Variants in AFDN observed in about 807,000 individuals in gnomAD.
The protein encoded by AFDN is afadin, adherens junction formation factor.
Under a neutral mutation model 216.6 loss-of-function variants are expected in AFDN, and 68 were observed. The observed-to-expected ratio is 0.31, with a 90% CI of 0.26 to 0.38. The LOEUF (loss-of-function observed/expected upper bound fraction) is 0.38, where lower values mean the gene tolerates loss of function less well. Ranked by LOEUF, AFDN falls within the 10% of genes least tolerant of loss-of-function variation. The pLI, the probability that AFDN is intolerant of heterozygous loss-of-function variation, is 1.00. For synonymous variants in AFDN, 868 were observed against 853.7 expected (o/e 1.02, Z -0.29); for missense variants, 2,136 against 2,342.0 (o/e 0.91, Z 1.82).
At chr6:167,826,782 A>G, upstream of AFDN, 2 of 339,706 alleles carry the variant, frequency 5.9e-6, no homozygotes, top group South Asian at 4.6e-5. Flanking sequence ...CCGCGGCAGC[A>G]GCACCTAGTG....
chr6:167,874,002 CATA>C (rs1184595038), intron 4 of AFDN, among the ~76,000 whole-genome samples: 2 of 152,108 alleles, frequency 1.3e-5, no homozygotes, highest in Non-Finnish European at 2.9e-5. Context: ...TCTAGTATTA[CATA>C]ATAAGACTCT....
At chr6:167,891,450 T>TGTGG (rs1246107187) in intron 8 of AFDN, among the ~76,000 whole-genome samples, 3 of 150,146 alleles carry the variant, frequency 2.0e-5, no homozygotes, top group Non-Finnish European at 4.4e-5. Context: ...TGTGTGTGTG[T>TGTGG]GGCTGTTGTT....
chr6:167,924,821 G>A (rs866668501), intron 22 of AFDN, 184 bp from the exon 23 acceptor site: 12 of 636,442 alleles, frequency 1.9e-5, no homozygotes, highest in Non-Finnish European at 8.6e-6. Context: ...TATCGATTTA[G>A]TTTACCAGAT....
rs574872439 is a variant in AFDN, at chr6:167,968,132, A to C, written c.5258-982A>C. Among the ~76,000 whole-genome samples, 5 of 152,344 alleles carry C rather than the reference A, an allele frequency of 3.3e-5. No homozygotes were observed. The East Asian group carries it at 7.7e-4, about 23-fold the overall frequency. On this transcript the variant is annotated intron_variant, in intron 32 of 33. Coordinates refer to ENST00000683244, the MANE Select transcript of AFDN (RefSeq NM_001386888.1). ...GAAGCCAGTATCATTCTTAAAGCTC[A>C]AAAGATATAATACAATGTTTTTAAA...
chr6:167,913,184 GC>G (rs1409499949), intron 15 of AFDN, among the ~76,000 whole-genome samples: 3 of 152,096 alleles, frequency 2.0e-5, no homozygotes, highest in Non-Finnish European at 4.4e-5. Context: ...TAGTTATTGT[GC>G]CAGTGGTAAG....
At chr6:167,909,741 A>C (rs1195774433) in intron 13 of AFDN, among the ~76,000 whole-genome samples, 1 of 152,182 alleles carries the variant, frequency 6.6e-6, no homozygotes, top group Non-Finnish European at 1.5e-5. Flanking sequence ...CTCAGTAGAG[A>C]TGTTCATCAC....
At chr6:167,833,207 T>C (rs1256996376) in intron 1 of AFDN, among the ~76,000 whole-genome samples, 1 of 152,208 alleles carries the variant, frequency 6.6e-6, no homozygotes, top group Admixed American at 6.5e-5. Context: ...AAGTACATAT[T>C]GCAGTTGAGG....
At chr6:167,850,900 T>A (rs529933002) in intron 1 of AFDN, among the ~76,000 whole-genome samples, 1 of 143,176 alleles carries the variant, frequency 7.0e-6, no homozygotes, top group African/African-American at 2.6e-5. Flanking sequence ...TGTGTGTGTG[T>A]GACAAAGTCT....
intron 1 of AFDN, among the ~76,000 whole-genome samples, chr6:167,850,887 GT>G (rs1782223655): frequency 6.6e-6 from 1 of 151,976 alleles, no homozygotes; most frequent in South Asian, 2.1e-4. Flanking sequence ...TTTATTGTGT[GT>G]GTGTGTGTGT....
chr6:167,913,560 C>T, intron 16 of AFDN, 137 bp downstream of exon 16: 2 of 757,054 alleles, frequency 2.6e-6, no homozygotes, highest in Non-Finnish European at 2.1e-6. Flanking sequence ...ACATGCAGTA[C>T]TAAAACCCTT....
chr6:167,952,718 C>G (rs552830587), intron 30 of AFDN, among the ~76,000 whole-genome samples: 6 of 152,330 alleles, frequency 3.9e-5, no homozygotes, highest in Admixed American at 2.0e-4. Flanking sequence ...GGCCCCTGGT[C>G]TTGTCAGCAT....
rs1162433489 is a variant in AFDN at position 167,827,014 on chromosome 6, C to CGCGGAG, written c.-108_-103dup. 92 of 267,268 alleles carry CGCGGAG rather than the reference C, an allele frequency of 3.4e-4. No homozygotes were observed. The highest frequency in any genetic ancestry group is 2.9e-5 in the Non-Finnish European group (5 of 174,566). 16.6% of individuals were successfully genotyped at this position (267,268 alleles called of 1,614,324 possible). Reference sequence around the variant, plus strand: ...GCGCGGCCGCGGAGGCGGAGGCAGCCGCGGAGGCGGAGGCGGCCGGCGGGG... The same window carrying CGCGGAG: ...GCGCGGCCGCGGAGGCGGAGGCAGCCGCGGAGGCGGAGGCGGAGGCGGCCGGCGGGG... On this transcript the variant is annotated 5_prime_UTR_variant, in exon 1 of 34. Transcript: ENST00000683244.
chr6:167,932,095 A>G (rs1272278276), intron 23 of AFDN, among the ~76,000 whole-genome samples: 2 of 152,178 alleles, frequency 1.3e-5, no homozygotes, highest in African/African-American at 4.8e-5. Flanking sequence ...AGTGTGTGGT[A>G]TATGTTTTTT....
chr6:167,913,135 G>C (rs1017899917), intron 15 of AFDN, among the ~76,000 whole-genome samples: 1 of 152,000 alleles, frequency 6.6e-6, no homozygotes, highest in African/African-American at 2.4e-5. Flanking sequence ...GTGTGTTTAT[G>C]GTAACATCAT....
chr6:167,938,666 C>G (rs562304583), intron 23 of AFDN, among the ~76,000 whole-genome samples: 1 of 152,096 alleles, frequency 6.6e-6, no homozygotes, highest in South Asian at 2.1e-4. Context: ...TCTTTAAATG[C>G]CATGTGCTGT....
At chr6:167,942,082 TTTGG>T (rs1297679129) in intron 23 of AFDN, among the ~76,000 whole-genome samples, 1 of 151,738 alleles carries the variant, frequency 6.6e-6, no homozygotes, top group Non-Finnish European at 1.5e-5. Flanking sequence ...TTTGGTTTGG[TTTGG>T]TTTGGTTTGT....
At chr6:167,846,384 C>A (rs759220718) in intron 1 of AFDN, among the ~76,000 whole-genome samples, 46 of 152,082 alleles carry the variant, frequency 3.0e-4, no homozygotes, top group Non-Finnish European at 5.3e-4. Flanking sequence ...AATTTTACTT[C>A]AGTGACTTTG....
At chr6:167,923,212 G>C (rs7754680) in intron 22 of AFDN, 1 of 337,708 alleles carries the variant, frequency 3.0e-6, no homozygotes, top group Non-Finnish European at 5.3e-6. Context: ...ACCCATGGTT[G>C]TACCAGTCTT....
chr6:167,855,607 G>T (rs533841362), intron 1 of AFDN, among the ~76,000 whole-genome samples: 1 of 152,124 alleles, frequency 6.6e-6, no homozygotes, highest in African/African-American at 2.4e-5. Flanking sequence ...GAGAGTACTA[G>T]AACAGCCTGG....
Sources: allele counts gnomAD v4.1 joint callset (sites outside exome capture counted in the v4.1 genomes callset), GRCh38; gene constraint gnomAD v4.1.1; transcripts MANE v1.5; gene names NCBI Gene and HGNC (gene_info 2026-07-23, HGNC 2026-07-21).